Variants in C7orf78 observed in about 807,000 individuals in gnomAD.
C7orf78 encodes chromosome 7 open reading frame 78.
chr7:12,485,108 C>A, the C7orf78 span, among the ~76,000 whole-genome samples: 3 of 144,704 alleles, frequency 2.1e-5, no homozygotes, highest in Admixed American at 7.1e-5. Flanking sequence ...ATAATTTGCA[C>A]GTCATAGGGC....
chr7:12,537,527 A>C, the C7orf78 span, among the ~76,000 whole-genome samples: 1 of 152,212 alleles, frequency 6.6e-6, no homozygotes, highest in African/African-American at 2.4e-5. Flanking sequence ...AGGGGGAAGA[A>C]TTGGAACAAG....
chr7:12,509,020 G>GT, the C7orf78 span, among the ~76,000 whole-genome samples: 5 of 152,194 alleles, frequency 3.3e-5, no homozygotes, highest in Admixed American at 6.5e-5. Context: ...CACAGTAAGT[G>GT]TAATGCATTT....
the C7orf78 span, among the ~76,000 whole-genome samples, chr7:12,504,125 A>G: frequency 0.019 from 2,829 of 152,296 alleles, 90 homozygotes; most frequent in African/African-American, 0.064. Flanking sequence ...TGTCAAACTC[A>G]TATCACTTTA....
At chr7:12,517,142 G>T in the C7orf78 span, among the ~76,000 whole-genome samples, 1 of 152,014 alleles carries the variant, frequency 6.6e-6, no homozygotes, top group Non-Finnish European at 1.5e-5. Context: ...GGAGGGACTC[G>T]GTGGAAGATA....
At chr7:12,507,668 C>G in the C7orf78 span, among the ~76,000 whole-genome samples, 1 of 152,174 alleles carries the variant, frequency 6.6e-6, no homozygotes, top group Non-Finnish European at 1.5e-5. Context: ...CTAACTGTCC[C>G]TGTGCAGTAA....
At chr7:12,488,957 G>A in the C7orf78 span, among the ~76,000 whole-genome samples, 2 of 146,098 alleles carry the variant, frequency 1.4e-5, no homozygotes, top group Admixed American at 6.9e-5. Context: ...AAGAGTTTCC[G>A]TATATTTGAC....
the C7orf78 span, chr7:12,496,424 AT>A: frequency 6.6e-6 from 1 of 152,246 alleles, no homozygotes; most frequent in Non-Finnish European, 1.5e-5. Flanking sequence ...AATGTTGCTT[AT>A]GCTGTTCGTC....
chr7:12,539,445 CAG>C, the C7orf78 span, among the ~76,000 whole-genome samples: 4 of 152,156 alleles, frequency 2.6e-5, no homozygotes, highest in Non-Finnish European at 4.4e-5. Context: ...GCCTGGGTGA[CAG>C]AGTGAGACTC....
the C7orf78 span, among the ~76,000 whole-genome samples, chr7:12,524,809 C>T: frequency 6.6e-6 from 1 of 152,022 alleles, no homozygotes; most frequent in East Asian, 1.9e-4. Flanking sequence ...CACCACTGCA[C>T]TCCATCTCAA....
the C7orf78 span, among the ~76,000 whole-genome samples, chr7:12,502,297 C>T: frequency 2.4e-5 from 3 of 124,090 alleles, no homozygotes; most frequent in African/African-American, 9.2e-5. Context: ...GAACAGGCAA[C>T]CTACAAAATG....
At chr7:12,489,108 G>A in the C7orf78 span, among the ~76,000 whole-genome samples, 1 of 151,696 alleles carries the variant, frequency 6.6e-6, no homozygotes, top group Admixed American at 6.6e-5. Flanking sequence ...GAAGTATTGG[G>A]GCATATTAAA....
chr7:12,493,642 C>T, the C7orf78 span, among the ~76,000 whole-genome samples: 1 of 152,254 alleles, frequency 6.6e-6, no homozygotes, highest in African/African-American at 2.4e-5. Flanking sequence ...TCAGGCCAAA[C>T]TGGATGGGTT....
the C7orf78 span, among the ~76,000 whole-genome samples, chr7:12,509,712 C>A: frequency 6.6e-6 from 1 of 152,274 alleles, no homozygotes; most frequent in Admixed American, 6.5e-5. Flanking sequence ...TGAGTGAGAA[C>A]ATGCAGTGTT....
chr7:12,520,909 A>G, the C7orf78 span, among the ~76,000 whole-genome samples: 1 of 152,154 alleles, frequency 6.6e-6, no homozygotes, highest in African/African-American at 2.4e-5. Flanking sequence ...TGCTGGATGC[A>G]CATATATTTG....
chr7:12,490,797 T>C, the C7orf78 span, among the ~76,000 whole-genome samples: 1 of 150,576 alleles, frequency 6.6e-6, no homozygotes, highest in Non-Finnish European at 1.5e-5. Flanking sequence ...TGAGCAAGAG[T>C]GAGAATGGAA....
At chr7:12,512,352 G>C in the C7orf78 span, among the ~76,000 whole-genome samples, 1 of 152,078 alleles carries the variant, frequency 6.6e-6, no homozygotes, top group Non-Finnish European at 1.5e-5. Context: ...ATTATATTGA[G>C]ATATGTTCCT....
At chr7:12,500,307 G>A in the C7orf78 span, among the ~76,000 whole-genome samples, 2 of 151,130 alleles carry the variant, frequency 1.3e-5, no homozygotes, top group South Asian at 2.1e-4. Context: ...TTTTTGAAAT[G>A]ATCAACAAAA....
the C7orf78 span, among the ~76,000 whole-genome samples, chr7:12,525,446 A>T: frequency 6.6e-6 from 1 of 152,140 alleles, no homozygotes; most frequent in Non-Finnish European, 1.5e-5. Context: ...ATGTGTCATA[A>T]ATTACAATCA....
chr7:12,521,081 C>G, the C7orf78 span, among the ~76,000 whole-genome samples: 14 of 152,112 alleles, frequency 9.2e-5, no homozygotes, highest in South Asian at 2.9e-3. Context: ...CATTTTCTAT[C>G]CCTTCATTTT....
Sources: allele counts gnomAD v4.1 joint callset (sites outside exome capture counted in the v4.1 genomes callset), GRCh38; gene constraint gnomAD v4.1.1; transcripts MANE v1.5; gene names NCBI Gene and HGNC (gene_info 2026-07-23, HGNC 2026-07-21).